Variants in LPIN2 observed in about 807,000 individuals in gnomAD.
LPIN2 encodes the protein lipin 2, also known as phosphatidate phosphatase LPIN2.
Under a neutral mutation model 111.4 loss-of-function variants are expected in LPIN2, and 55 were observed. The ratio of observed to expected loss-of-function variants is 0.49; its 90% CI spans 0.40 to 0.62. The LOEUF (loss-of-function observed/expected upper bound fraction) is 0.62, where lower values mean the gene tolerates loss of function less well. Ranked by LOEUF, LPIN2 falls within the 20% of genes least tolerant of loss-of-function variation. The pLI, the probability that LPIN2 is intolerant of heterozygous loss-of-function variation, is 0.00. For synonymous variants in LPIN2, 425 were observed against 414.0 expected (o/e 1.03, Z -0.32); for missense variants, 992 against 1,112.1 (o/e 0.89, Z 1.54).
At chr18:2,978,533 G>C (rs2078056193) in intron 1 of LPIN2, among the ~76,000 whole-genome samples, 1 of 152,216 alleles carries the variant, frequency 6.6e-6, no homozygotes, top group African/African-American at 2.4e-5. Flanking sequence ...TCAAGGTCAT[G>C]AGAAGCAAAG....
chr18:3,012,449 CTG>C (rs775724626), intron 1 of LPIN2, among the ~76,000 whole-genome samples: 2 of 152,236 alleles, frequency 1.3e-5, no homozygotes, highest in Non-Finnish European at 2.9e-5. Context: ...TCAGTACAAA[CTG>C]TATCTGAACG....
At chr18:2,989,093 T>C (rs2078226518) in intron 1 of LPIN2, among the ~76,000 whole-genome samples, 1 of 152,224 alleles carries the variant, frequency 6.6e-6, no homozygotes, top group South Asian at 2.1e-4. Flanking sequence ...ATCTCTGATC[T>C]ACACAATTCT....
At chr18:2,982,056 T>A (rs943243105) in intron 1 of LPIN2, among the ~76,000 whole-genome samples, 6 of 152,204 alleles carry the variant, frequency 3.9e-5, no homozygotes, top group Admixed American at 1.3e-4. Flanking sequence ...GGACTTACAC[T>A]AAGCTTACAT....
At chr18:2,922,265 A>C in intron 16 of LPIN2, 66 bp from the exon 17 acceptor site, 1 of 1,552,234 alleles carries the variant, frequency 6.4e-7, no homozygotes, top group Non-Finnish European at 8.8e-7. Context: ...AAAAAACAAA[A>C]AAAAAACCCC....
chr18:2,950,221 T>C (rs2077513827), intron 4 of LPIN2: 1 of 152,240 alleles, frequency 6.6e-6, no homozygotes, highest in Non-Finnish European at 1.5e-5. Flanking sequence ...ATATATTTGG[T>C]TTCCATAGCT....
chr18:2,945,828 C>A, intron 4 of LPIN2: 1 of 1,460,130 alleles, frequency 6.8e-7, no homozygotes. Flanking sequence ...GGTAACTTCA[C>A]CTCCAGTCTG....
intron 4 of LPIN2, 27 bp from the exon 5 acceptor site, chr18:2,940,739 A>ATCGTTCCTGCCTTTCTTT: frequency 1.5e-6 from 2 of 1,345,684 alleles, no homozygotes; most frequent in Non-Finnish European, 2.1e-6. Flanking sequence ...AAAGAAAGGC[A>ATCGTTCCTGCCTTTCTTT]GGAACGATGA....
At chr18:2,945,021 C>A (rs931559408) in intron 4 of LPIN2, among the ~76,000 whole-genome samples, 8 of 152,090 alleles carry the variant, frequency 5.3e-5, no homozygotes, top group African/African-American at 1.9e-4. Flanking sequence ...TACTATACTA[C>A]CTCAGAATTA....
chr18:2,991,751 C>T (rs964785696), intron 1 of LPIN2, among the ~76,000 whole-genome samples: 4 of 152,182 alleles, frequency 2.6e-5, no homozygotes, highest in Admixed American at 2.6e-4. Context: ...GTGGCTCACG[C>T]CTATAATCTC....
At chr18:2,960,534 G>A in intron 2 of LPIN2, 115 bp downstream of exon 2, 7 of 972,204 alleles carry the variant, frequency 7.2e-6, no homozygotes, top group Admixed American at 4.0e-5. Context: ...AAAAGGCCTA[G>A]AAAACTCACA....
At chr18:2,999,298 T>A (rs2078393004) in intron 1 of LPIN2, among the ~76,000 whole-genome samples, 1 of 152,130 alleles carries the variant, frequency 6.6e-6, no homozygotes, top group Non-Finnish European at 1.5e-5. Flanking sequence ...GATGTCCTTA[T>A]AAAAAGAGGA....
At chr18:2,999,959 T>G (rs980755767) in intron 1 of LPIN2, among the ~76,000 whole-genome samples, 7 of 151,410 alleles carry the variant, frequency 4.6e-5, no homozygotes, top group Admixed American at 2.6e-4. Context: ...GAGGCTGAGG[T>G]GGGAGGATCA....
intron 3 of LPIN2, 39 bp downstream of exon 3, chr18:2,954,465 G>T: frequency 6.9e-7 from 1 of 1,454,516 alleles, no homozygotes; most frequent in Non-Finnish European, 9.7e-7. Context: ...AGAGGCCTGA[G>T]CACACTGTGT....
chr18:2,958,371 A>C (rs923578677), intron 2 of LPIN2, among the ~76,000 whole-genome samples: 5 of 151,950 alleles, frequency 3.3e-5, no homozygotes, highest in Non-Finnish European at 5.9e-5. Flanking sequence ...ACATCTCTCT[A>C]AACAGTGGTT....
chr18:2,988,428 C>G (rs1328009699), intron 1 of LPIN2, among the ~76,000 whole-genome samples: 1 of 152,140 alleles, frequency 6.6e-6, no homozygotes, highest in Non-Finnish European at 1.5e-5. Context: ...ATGAAAGTAA[C>G]TGAATTCTTA....
chr18:2,923,103 T>C (rs1049520929), intron 16 of LPIN2, among the ~76,000 whole-genome samples: 13 of 152,230 alleles, frequency 8.5e-5, no homozygotes, highest in East Asian at 5.8e-4. Context: ...CCCTCATGCA[T>C]GCGTGCACTA....
intron 1 of LPIN2, among the ~76,000 whole-genome samples, chr18:2,976,416 A>G (rs2078016720): frequency 6.6e-6 from 1 of 152,214 alleles, no homozygotes; most frequent in South Asian, 2.1e-4. Flanking sequence ...GTTTCTTATC[A>G]AGAAGTCTGA....
chr18:2,923,933 T>G (rs1358797173), intron 15 of LPIN2, 72 bp from the exon 16 acceptor site: 4 of 1,220,874 alleles, frequency 3.3e-6, no homozygotes, highest in Non-Finnish European at 4.9e-6. Context: ...TTTGGTTGAC[T>G]ATCAGCTGCC....
At chr18:2,988,012 C>CAAAAAAAAAA (rs761121515) in intron 1 of LPIN2, among the ~76,000 whole-genome samples, 1,500 of 32,334 alleles carry the variant, frequency 0.046, 100 homozygotes, top group Non-Finnish European at 0.08. Context: ...GAGACTGTCT[C>CAAAAAAAAAA]AAAAAAAAAA....
Sources: allele counts gnomAD v4.1 joint callset (sites outside exome capture counted in the v4.1 genomes callset), GRCh38; gene constraint gnomAD v4.1.1; transcripts MANE v1.5; gene names NCBI Gene and HGNC (gene_info 2026-07-23, HGNC 2026-07-21).